THYN1: variants seen among roughly 807,000 people sequenced by gnomAD.
The protein encoded by THYN1 is thymocyte protein thy28.
THYN1 carries 32 observed loss-of-function variants against 30.6 expected under a neutral mutation model. The observed-to-expected ratio is 1.05, with a 90% CI of 0.79 to 1.40. The LOEUF (loss-of-function observed/expected upper bound fraction) is 1.40. THYN1 is among the 40% of genes most tolerant of loss of function. The probability of loss-of-function intolerance (pLI) is 0.00; values close to 1 mark genes in which losing one functional copy is unlikely to be tolerated. For synonymous variants in THYN1, 107 were observed against 90.8 expected, an observed-to-expected ratio of 1.18 and a Z score of -1.01; for missense variants, 259 against 272.6, an observed-to-expected ratio of 0.95 and a Z score of 0.35.
chr11:134,253,043 A>G lies in THYN1; in HGVS notation c.-161T>C. The G allele has an allele frequency of 7.1e-7, 1 of 1,407,734 alleles. No individual in the cohort carries two copies. Among genetic ancestry groups the G allele is most frequent in the Non-Finnish European group, 9.2e-7 (1 of 1,086,778 alleles). The allele number at this position is 1,407,734 out of a possible 1,614,324, so 87.2% of individuals were successfully genotyped here. ...TGCGAAACACAGACGCCTACGTTTG[A>G]GCCCTCAAATCCTTCCCTCCGTTAT... On this transcript the variant is annotated 5_prime_UTR_variant, in exon 1 of 7. Coordinates refer to ENST00000341541, the MANE Select transcript of THYN1 (RefSeq NM_014174.3).
rs560463737 is a variant in THYN1 at position 134,252,906 on chromosome 11, T to C, written c.-24A>G. 1.3e-6 allele frequency: 2 copies of C among 1,573,342 alleles called. No homozygotes were observed. The highest frequency in any genetic ancestry group is 1.4e-5 in the African/African-American group (1 of 72,342). On this transcript the variant is annotated 5_prime_UTR_variant, in exon 1 of 7. Coordinates refer to ENST00000341541, the MANE Select transcript of THYN1 (RefSeq NM_014174.3). Reference sequence around the variant, plus strand: ...ATGGTCACGCTGCAGGGGACTTTAGTGCGGACGATTCTGGAATCAACGGAG... The same window carrying C: ...ATGGTCACGCTGCAGGGGACTTTAGCGCGGACGATTCTGGAATCAACGGAG...
intron 1 of THYN1, 124 bp from the exon 2 acceptor site, chr11:134,251,432 C>T (rs1174384752): frequency 1.9e-6 from 2 of 1,057,290 alleles, no homozygotes; most frequent in African/African-American, 1.6e-5. Context: ...GCTGTAGGAA[C>T]TTAATCTTAC....
In THYN1 at chr11:134,252,850, A is replaced by T; in HGVS notation, c.33T>A (p.Thr11=). The change falls in exon 1 of 7, where the codon ACT becomes ACA. Residue 11 remains threonine (T), a synonymous_variant. Coordinates refer to ENST00000341541, the MANE Select transcript of THYN1 (RefSeq NM_014174.3). The part of the protein sequence containing the change: MSRPRKRLAG[T]SGSDKGLSGK... ...CTAGGGGCAGCTCACCTGAACCAGA[A>T]GTCCCAGCCAGCCTCTTCCGGGGTC... 1 of 1,611,172 alleles carries T rather than the reference A, an allele frequency of 6.2e-7. No individual in the cohort carries two copies. Among genetic ancestry groups the T allele is most frequent in the South Asian group, 1.1e-5 (1 of 90,572 alleles).
chr11:134,250,222 G>A, intron 3 of THYN1, 53 bp downstream of exon 3: 6 of 1,594,464 alleles, frequency 3.8e-6, no homozygotes, highest in Non-Finnish European at 5.2e-6. Context: ...ATGAGGAGGA[G>A]GCAGGCATTC....
chr11:134,251,001 T>C, intron 2 of THYN1, 129 bp downstream of exon 2: 1 of 1,112,976 alleles, frequency 9.0e-7, no homozygotes, highest in Non-Finnish European at 1.2e-6. Flanking sequence ...CCCTGCCGAT[T>C]TTATTCATTT....
At position 134,251,131 on chromosome 11, in the gene THYN1, T is replaced by C; in HGVS notation, c.221A>G (p.Lys74Arg). ...ESRLEKGVDVKFSIEDLKAQP... is the reference protein window; with the variant it reads ...ESRLEKGVDVRFSIEDLKAQP... ...CTGGAGACAGGTCAAGGGTCTCACC[T>C]TCACATCTACACCTTTCTCTAGGCG... Residue 74 changes from lysine (K) to arginine (R), a missense_variant and splice_region_variant, in exon 2 of 7, where the codon AAG (lysine) becomes AGG (arginine). Transcript: ENST00000341541. The C allele has an allele frequency of 6.2e-7, 1 of 1,608,886 alleles. No individual in the cohort carries two copies. Among genetic ancestry groups the C allele is most frequent in the Non-Finnish European group, 8.5e-7 (1 of 1,178,090 alleles).
At position 134,248,328 on chromosome 11, in the gene THYN1, G is replaced by T; in HGVS notation, c.*110C>A. 1 of 1,235,434 alleles carries T rather than the reference G, an allele frequency of 8.1e-7. No homozygotes were observed. Among genetic ancestry groups the T allele is most frequent in the Non-Finnish European group, 1.2e-6 (1 of 834,806 alleles). The allele number at this position is 1,235,434 out of a possible 1,614,324, so 76.5% of individuals were successfully genotyped here. A position where few individuals can be genotyped will look rare whatever the true frequency, so the allele number is the denominator to read the frequency against. ...AAAAAAGTACACAAAAACCACTGAG[G>T]TACACAAGCCCAGGTAAGCATACCA... On this transcript the variant is annotated 3_prime_UTR_variant, in exon 7 of 7. Coordinates refer to ENST00000341541, the MANE Select transcript of THYN1 (RefSeq NM_014174.3).
Position 134,252,957 on chromosome 11 carries a change from C to G in THYN1, c.-75G>C. On this transcript the variant is annotated 5_prime_UTR_variant, in exon 1 of 7. Coordinates refer to ENST00000341541, the MANE Select transcript of THYN1 (RefSeq NM_014174.3). ...ATACAAGAAAGAATGCTAATGTCCT[C>G]CAAAACCCGCGCAGAGCGAGATGGA... is the stretch of plus-strand genomic sequence containing the variant. 1 of 1,501,060 alleles carries G rather than the reference C, an allele frequency of 6.7e-7. No homozygotes were observed. The highest frequency in any genetic ancestry group is 2.4e-5 in the East Asian group (1 of 41,058). 93.0% of individuals were successfully genotyped at this position (1,501,060 alleles called of 1,614,324 possible). A position where few individuals can be genotyped will look rare whatever the true frequency, so the allele number is the denominator to read the frequency against.
intron 1 of THYN1, 121 bp from the exon 2 acceptor site, chr11:134,251,429 G>A: frequency 1.8e-6 from 2 of 1,116,564 alleles, no homozygotes; most frequent in South Asian, 3.1e-5. Flanking sequence ...CCAGCTGTAG[G>A]AACTTAATCT....
In THYN1 at chr11:134,248,977, A is replaced by G; in HGVS notation, c.481-18T>C. ...ACATCCACCTATGTGACAACAGTGT[A>G]CATGACAGAAAGACGTGTCTAGGCT... On this transcript the variant is annotated intron_variant, in intron 5 of 6. Coordinates refer to ENST00000341541, the MANE Select transcript of THYN1 (RefSeq NM_014174.3). The G allele has an allele frequency of 6.2e-7, 1 of 1,614,024 alleles. No individual in the cohort carries two copies. Among genetic ancestry groups the G allele is most frequent in the Non-Finnish European group, 8.5e-7 (1 of 1,179,848 alleles).
chr11:134,252,759 G>A, intron 1 of THYN1, 81 bp downstream of exon 1: 3 of 1,473,726 alleles, frequency 2.0e-6, no homozygotes, highest in Non-Finnish European at 2.8e-6. Context: ...AAAAAGCAGG[G>A]AGTGAAAAAT....
rs1391195049 is a variant in THYN1 at position 134,248,949 on chromosome 11, T to A, written c.491A>T (p.Gln164Leu). 2 of 1,614,106 alleles carry A rather than the reference T, an allele frequency of 1.2e-6. No homozygotes were observed. Among genetic ancestry groups the A allele is most frequent in the Non-Finnish European group, 1.7e-6 (2 of 1,180,050 alleles). Residue 164 changes from glutamine to leucine, a missense_variant, in exon 6 of 7, where the codon CAG becomes CTG. Coordinates refer to ENST00000341541, the MANE Select transcript of THYN1 (RefSeq NM_014174.3). ...GAAACGTTTCATCATCCGAACAAACTGTACATCCACCTATGTGACAACAGT... is the reference window on the plus strand; with the variant it reads ...GAAACGTTTCATCATCCGAACAAACAGTACATCCACCTATGTGACAACAGT... ...DNPKWSMVDV[Q>L]FVRMMKRFIP...
chr11:134,252,716 G>C, intron 1 of THYN1, 124 bp downstream of exon 1: 1 of 1,092,966 alleles, frequency 9.1e-7, no homozygotes, highest in Non-Finnish European at 1.4e-6. Flanking sequence ...AGTGATTAAG[G>C]ATAATGGAGT....
rs908996568 is a variant in THYN1, at chr11:134,253,192, T to A, written c.-310A>T. ...CTGGGAAGTGGCTCCACAGAGACAC[T>A]TTTGTTGGGTGAATATAAGTAAGCC... On this transcript the variant is annotated 5_prime_UTR_variant, in exon 1 of 7. In the 5' UTR this introduces an upstream ATG that the reference lacks. Coordinates refer to ENST00000341541, the MANE Select transcript of THYN1 (RefSeq NM_014174.3). 6.0e-6 allele frequency: 8 copies of A among 1,330,224 alleles called. No homozygotes were observed. Among genetic ancestry groups the A allele is most frequent in the Non-Finnish European group, 7.7e-6 (8 of 1,043,234 alleles). 82.4% of individuals were successfully genotyped at this position (1,330,224 alleles called of 1,614,324 possible).
rs531939676 is a variant in THYN1 at position 134,248,387 on chromosome 11, G to C, written c.*51C>G. ...CCCTCACACCTTTTGTCTGAAAAAA[G>C]CTTGACTTCTTTGCAGCAATGTCTC... On this transcript the variant is annotated 3_prime_UTR_variant, in exon 7 of 7. Transcript: ENST00000341541. The C allele has an allele frequency of 4.3e-6, 7 of 1,611,062 alleles. No homozygotes were observed. The African/African-American group carries it at 8.0e-5, about 18-fold the overall frequency.
chr11:134,250,340 T>C lies in THYN1; in HGVS notation c.226A>G (p.Ser76Gly). ...GGCTGTGCTTTGAGATCCTCAATGC[T>C]GAACTAGGCAAGAGGAAATAAATTC... ...RLEKGVDVKF[S>G]IEDLKAQPKQ... The change falls in exon 3 of 7, where the codon AGC becomes GGC. Residue 76 changes from serine (S) to glycine (G), a missense_variant. By Grantham distance (56) the Ser-to-Gly change is moderately conservative. Transcript: ENST00000341541. The C allele has an allele frequency of 1.2e-6, 2 of 1,614,174 alleles. No individual in the cohort carries two copies. Among genetic ancestry groups the C allele is most frequent in the African/African-American group, 1.3e-5 (1 of 75,044 alleles).
rs546618494 is a variant in THYN1 at position 134,249,777 on chromosome 11, G to A, written c.384+51C>T. 2.6e-5 allele frequency: 41 copies of A among 1,561,176 alleles called. No individual in the cohort carries two copies. In the South Asian group the frequency reaches 4.5e-4, roughly 17 times the overall value. On this transcript the variant is annotated intron_variant, in intron 4 of 6. Coordinates refer to ENST00000341541, the MANE Select transcript of THYN1 (RefSeq NM_014174.3). The stretch of plus-strand genomic sequence containing the variant: ...GGTATATCCCTTTATATCTACTTAA[G>A]TTAGTCTCCCTGGAGGAAAAGGGAT...
chr11:134,249,633 G>C (rs116301974), intron 4 of THYN1, among the ~76,000 whole-genome samples, 195 bp downstream of exon 4: 1 of 152,034 alleles, frequency 6.6e-6, no homozygotes, highest in Non-Finnish European at 1.5e-5. Context: ...TGTGCTAGTC[G>C]GACCTGAATG....
In THYN1 at chr11:134,252,732, T is replaced by C. The variant is rs2136065600; in HGVS notation, c.43+108A>G. 2.3e-6 allele frequency: 3 copies of C among 1,280,374 alleles called. No homozygotes were observed. In the East Asian group the frequency reaches 7.0e-5, roughly 30 times the overall value. The allele number at this position is 1,280,374 out of a possible 1,614,324, so 79.3% of individuals were successfully genotyped here. A position where few individuals can be genotyped will look rare whatever the true frequency, so the allele number is the denominator to read the frequency against. The stretch of plus-strand genomic sequence containing the variant: ...GTGATTAAGGATAATGGAGTAAAAA[T>C]ATCACAAAGGGTTCTCAAAAAGCAG... On this transcript the variant is annotated intron_variant, in intron 1 of 6. Transcript: ENST00000341541.
Sources: allele counts gnomAD v4.1 joint callset (sites outside exome capture counted in the v4.1 genomes callset), GRCh38; gene constraint gnomAD v4.1.1; transcripts MANE v1.5; gene names NCBI Gene and HGNC (gene_info 2026-07-23, HGNC 2026-07-21).